METTL15: variants seen among roughly 807,000 people sequenced by gnomAD.
METTL15 encodes methyltransferase 15, mitochondrial 12S rRNA N4-cytidine.
A neutral mutation model predicts 38.3 loss-of-function variants in METTL15; 34 were observed. That is an observed-to-expected ratio of 0.89 (90% CI 0.68 to 1.18). The LOEUF (loss-of-function observed/expected upper bound fraction) is 1.18, where lower values mean the gene tolerates loss of function less well. METTL15 is among the 50% of genes most tolerant of loss of function. The pLI is 0.00. For missense variants in METTL15, 438 were observed against 498.4 expected, an observed-to-expected ratio of 0.88 and a Z score of 1.15; for synonymous variants, 162 against 170.9, an observed-to-expected ratio of 0.95 and a Z score of 0.41.
intron 3 of METTL15, among the ~76,000 whole-genome samples, chr11:28,206,937 GTGATTTTTGTATAT>G (rs1222402666): frequency 9.7e-6 from 1 of 103,148 alleles, no homozygotes; most frequent in Admixed American, 1.1e-4. Context: ...AAGAATGCTT[GTGATTTTTGTATAT>G]TGATTTTGTA....
chr11:28,490,820 A>T (rs940057120), intron 6 of METTL15, among the ~76,000 whole-genome samples: 1 of 152,196 alleles, frequency 6.6e-6, no homozygotes, highest in African/African-American at 2.4e-5. Flanking sequence ...GGCAACATTC[A>T]TGACAAGACT....
intron 3 of METTL15, among the ~76,000 whole-genome samples, chr11:28,167,405 C>T (rs1266174155): frequency 2.6e-5 from 4 of 152,086 alleles, no homozygotes; most frequent in Non-Finnish European, 5.9e-5. Context: ...CCAAATAGTC[C>T]ACCTTGCGAA....
intron 5 of METTL15, among the ~76,000 whole-genome samples, chr11:28,392,848 G>T (rs1450138973): frequency 1.3e-5 from 2 of 152,032 alleles, no homozygotes; most frequent in Non-Finnish European, 2.9e-5. Context: ...GAAAGTCCTT[G>T]AATAGACATT....
chr11:28,237,496 C>T (rs571446226), intron 4 of METTL15, among the ~76,000 whole-genome samples: 38 of 152,258 alleles, frequency 2.5e-4, no homozygotes, highest in African/African-American at 7.9e-4. Flanking sequence ...TCTAGTTATA[C>T]ATTCGTCTAA....
chr11:28,202,444 A>AT (rs961220879), intron 3 of METTL15, among the ~76,000 whole-genome samples: 184 of 149,974 alleles, frequency 1.2e-3, no homozygotes, highest in African/African-American at 3.4e-3. Flanking sequence ...TACATTGCTG[A>AT]TTTTTTTTTT....
intron 3 of METTL15, among the ~76,000 whole-genome samples, chr11:28,132,701 A>G (rs1849378714): frequency 6.6e-6 from 1 of 152,108 alleles, no homozygotes. Context: ...GTATTACTAC[A>G]TTTCAGGAGA....
intron 4 of METTL15, among the ~76,000 whole-genome samples, chr11:28,354,152 A>G (rs1249772353): frequency 3.9e-5 from 6 of 152,194 alleles, no homozygotes; most frequent in East Asian, 1.9e-4. Flanking sequence ...CAGCGCATCT[A>G]TGGGGCTAGG....
chr11:28,287,484 G>A (rs79089409), intron 4 of METTL15: 36 of 394,710 alleles, frequency 9.1e-5, no homozygotes, highest in African/African-American at 4.1e-4. Flanking sequence ...TTTCAGATTC[G>A]CCCATGTAAT....
At chr11:28,169,921 A>G (rs1850792523) in intron 3 of METTL15, among the ~76,000 whole-genome samples, 1 of 152,046 alleles carries the variant, frequency 6.6e-6, no homozygotes, top group African/African-American at 2.4e-5. Context: ...CAAAATTTGT[A>G]TTTGCTTATT....
At position 28,321,117 on chromosome 11, in the gene METTL15, C is replaced by T. The variant is rs138917269; in HGVS notation, c.779-9279C>T. ...AACCTTTAAATTAACATATCAAATC[C>T]CCTTCCTACCTACTCCATTTTACAA... On this transcript the variant is annotated intron_variant, in intron 6 of 6. Coordinates refer to ENST00000407364, the MANE Select transcript of METTL15 (RefSeq NM_001113528.2). Among the ~76,000 whole-genome samples the T allele has an allele frequency of 1.3e-3, 198 of 152,190 alleles. 1 individual carries two copies. The highest frequency in any genetic ancestry group is 4.6e-3 in the African/African-American group (189 of 41,526).
At chr11:28,215,249 A>G (rs1043165247) in intron 4 of METTL15, among the ~76,000 whole-genome samples, 3 of 152,152 alleles carry the variant, frequency 2.0e-5, no homozygotes, top group Non-Finnish European at 2.9e-5. Flanking sequence ...CATTTATTCT[A>G]TTACACAGAA....
At chr11:28,416,956 C>G (rs1850777450) in intron 5 of METTL15, among the ~76,000 whole-genome samples, 1 of 152,138 alleles carries the variant, frequency 6.6e-6, no homozygotes. Flanking sequence ...TGGAAAGAAT[C>G]ATTTATTGAG....
intron 3 of METTL15, among the ~76,000 whole-genome samples, chr11:28,204,075 T>A (rs2133824507): frequency 6.6e-6 from 1 of 152,146 alleles, no homozygotes; most frequent in Admixed American, 6.6e-5. Flanking sequence ...TTTAACATAG[T>A]TACCTTGGGA....
chr11:28,446,712 C>G (rs965541384), intron 6 of METTL15, among the ~76,000 whole-genome samples: 3 of 152,040 alleles, frequency 2.0e-5, no homozygotes, highest in African/African-American at 4.8e-5. Context: ...TAACATTTTT[C>G]TAGTCATCTT....
intron 3 of METTL15, among the ~76,000 whole-genome samples, chr11:28,137,904 A>G (rs1344703972): frequency 6.6e-6 from 1 of 152,116 alleles, no homozygotes; most frequent in East Asian, 1.9e-4. Flanking sequence ...TTATACAGAC[A>G]CAGACAGAAG....
chr11:28,146,268 C>T (rs1391425406), intron 3 of METTL15, among the ~76,000 whole-genome samples: 1 of 151,942 alleles, frequency 6.6e-6, no homozygotes, highest in Non-Finnish European at 1.5e-5. Context: ...GATCTTGCAT[C>T]CTGGCGAGTG....
At chr11:28,205,095 T>C (rs1852269254) in intron 3 of METTL15, among the ~76,000 whole-genome samples, 1 of 151,876 alleles carries the variant, frequency 6.6e-6, no homozygotes, top group African/African-American at 2.4e-5. Flanking sequence ...ATTTATTTAT[T>C]TATTTTTATT....
chr11:28,312,031 G>A (rs1000970395), intron 6 of METTL15, among the ~76,000 whole-genome samples: 13 of 151,848 alleles, frequency 8.6e-5, no homozygotes, highest in African/African-American at 3.1e-4. Context: ...CCTTTTTTTT[G>A]TTGAAGTTGT....
chr11:28,276,168 G>T lies in METTL15; in HGVS notation c.408-14038G>T, dbSNP rs920613620. Among the ~76,000 whole-genome samples the T allele has an allele frequency of 2.0e-5, 3 of 152,106 alleles. No homozygotes were observed. In the Middle Eastern group the frequency reaches 0.01, roughly 517 times the overall value. ...GGAAGTCAAATTATTCCTCTTTGTT[G>T]ATCATATAATTTTATATCTGGAACA... On this transcript the variant is annotated intron_variant, in intron 4 of 6. Transcript: ENST00000407364.
Sources: allele counts gnomAD v4.1 joint callset (sites outside exome capture counted in the v4.1 genomes callset), GRCh38; gene constraint gnomAD v4.1.1; transcripts MANE v1.5; gene names NCBI Gene and HGNC (gene_info 2026-07-23, HGNC 2026-07-21).